SLC9C1: variants seen among roughly 807,000 people sequenced by gnomAD.
The protein encoded by SLC9C1 is solute carrier family 9 member C1.
SLC9C1 carries 97 observed loss-of-function variants against 140.9 expected under a neutral mutation model. The observed-to-expected ratio is 0.69, with a 90% CI of 0.58 to 0.82. SLC9C1 has a LOEUF of 0.82. SLC9C1 is among the 40% of genes least tolerant of loss of function. The probability of loss-of-function intolerance (pLI) is 0.00; values close to 1 mark genes in which losing one functional copy is unlikely to be tolerated. For missense variants in SLC9C1, 1,340 were observed against 1,389.3 expected (o/e 0.96, Z 0.56); for synonymous variants, 440 against 442.6 (o/e 0.99, Z 0.07).
rs181188728 is a variant in SLC9C1, at chr3:112,166,190, A to C, written c.3364+1031T>G. Among the ~76,000 whole-genome samples, 152 of 152,328 alleles carry C rather than the reference A, an allele frequency of 1.0e-3. 3 individuals are homozygous for C. The East Asian group carries it at 0.013, about 13-fold the overall frequency. ...TGTCACCCCTTTCTTTGACTAGGAT[A>C]GGGAATTCCCTAACCCCTTGTGCTT... On this transcript the variant is annotated intron_variant, in intron 26 of 28. Transcript: ENST00000305815.
chr3:112,199,264 G>T lies in SLC9C1; in HGVS notation c.2523+57C>A, dbSNP rs1207612008. On this transcript the variant is annotated intron_variant, in intron 20 of 28. Transcript: ENST00000305815. ...TTAGAAGTCAAATGTAGCCTTGAAGGTCATGAATGATTATGTATCAAGTAA... is the reference window on the plus strand; with the variant it reads ...TTAGAAGTCAAATGTAGCCTTGAAGTTCATGAATGATTATGTATCAAGTAA... 3.7e-6 allele frequency: 5 copies of T among 1,350,816 alleles called. No homozygotes were observed. In the East Asian group the frequency reaches 1.0e-4, roughly 27 times the overall value. 83.7% of individuals were successfully genotyped at this position (1,350,816 alleles called of 1,614,324 possible). A position where few individuals can be genotyped will look rare whatever the true frequency, so the allele number is the denominator to read the frequency against.
intron 5 of SLC9C1, among the ~76,000 whole-genome samples, chr3:112,275,290 T>C (rs2080183880): frequency 1.3e-5 from 2 of 152,140 alleles, no homozygotes; most frequent in Non-Finnish European, 2.9e-5. Flanking sequence ...CAGTGAGTTG[T>C]TCTATATAAA....
Position 112,277,722 on chromosome 3 carries a change from G to A in SLC9C1, c.457C>T (p.Leu153=), listed in dbSNP as rs2080253394. 4 of 1,602,276 alleles carry A rather than the reference G, an allele frequency of 2.5e-6. No individual in the cohort carries two copies. Among genetic ancestry groups the A allele is most frequent in the African/African-American group, 1.3e-5 (1 of 74,384 alleles). The change falls in exon 5 of 29, where the codon CTA becomes TTA. Residue 153 remains leucine, a synonymous_variant. Transcript: ENST00000305815. ...SAILVSSDPM[L]TAAAIRDLGL... Reference sequence around the variant, plus strand: ...AGGTCTCTTATAGCAGCTGCGGTTAGCATGGGATCTGAACTCACAAGGATA... The same window carrying A: ...AGGTCTCTTATAGCAGCTGCGGTTAACATGGGATCTGAACTCACAAGGATA...
intron 7 of SLC9C1, among the ~76,000 whole-genome samples, chr3:112,268,271 G>A (rs4279068): frequency 0.3 from 45,005 of 151,834 alleles, 7,221 homozygotes; most frequent in East Asian, 0.43. Flanking sequence ...GTAACCCTCG[G>A]TATATTATAA....
At chr3:112,280,587 T>C in intron 3 of SLC9C1, 96 bp downstream of exon 3, 2 of 963,258 alleles carry the variant, frequency 2.1e-6, no homozygotes, top group African/African-American at 1.7e-5. Context: ...GGCAGAACAG[T>C]GAGGGGATGA....
intron 26 of SLC9C1, among the ~76,000 whole-genome samples, chr3:112,156,462 A>G (rs1289392797): frequency 1.3e-5 from 2 of 152,140 alleles, no homozygotes; most frequent in Non-Finnish European, 2.9e-5. Flanking sequence ...GGTGTTATGA[A>G]CAGTGCTGCA....
At chr3:112,234,256 A>G (rs1284759013) in intron 12 of SLC9C1, among the ~76,000 whole-genome samples, 2 of 152,098 alleles carry the variant, frequency 1.3e-5, no homozygotes, top group Admixed American at 6.6e-5. Flanking sequence ...TTTTTCATGT[A>G]TCTGTTGGCT....
At chr3:112,146,768 GAAT>G (rs1327053294) in intron 28 of SLC9C1, among the ~76,000 whole-genome samples, 2 of 152,140 alleles carry the variant, frequency 1.3e-5, no homozygotes, top group Non-Finnish European at 2.9e-5. Flanking sequence ...GTGCGGATGA[GAAT>G]AATATACATT....
At chr3:112,200,448 A>G (rs1018009427) in intron 19 of SLC9C1, among the ~76,000 whole-genome samples, 7 of 152,146 alleles carry the variant, frequency 4.6e-5, no homozygotes, top group Non-Finnish European at 7.4e-5. Flanking sequence ...AATGACATAC[A>G]TAATCATAGC....
At chr3:112,150,819 TACATATATATATATATATA>T (rs1560003441) in intron 28 of SLC9C1, among the ~76,000 whole-genome samples, 47 of 45,220 alleles carry the variant, frequency 1.0e-3, no homozygotes, top group African/African-American at 2.4e-3. Context: ...TAAATACATA[TACATATATATATATATATA>T]TATTTTTTTT....
At chr3:112,179,182 A>C (rs2077393561) in intron 23 of SLC9C1, among the ~76,000 whole-genome samples, 1 of 152,094 alleles carries the variant, frequency 6.6e-6, no homozygotes, top group Non-Finnish European at 1.5e-5. Context: ...CACTTTGTCC[A>C]ACTTTTATAT....
At chr3:112,180,739 G>T in intron 21 of SLC9C1, 77 bp from the exon 22 acceptor site, 3 of 1,263,036 alleles carry the variant, frequency 2.4e-6, no homozygotes, top group Non-Finnish European at 2.2e-6. Flanking sequence ...TTGCATTTTT[G>T]TTATTTATTT....
chr3:112,274,364 GT>G (rs2080158048), intron 6 of SLC9C1, among the ~76,000 whole-genome samples: 1 of 152,036 alleles, frequency 6.6e-6, no homozygotes, highest in South Asian at 2.1e-4. Context: ...AGTACTTATG[GT>G]TTAGGGCTAT....
At chr3:112,234,103 T>C (rs1226882594) in intron 12 of SLC9C1, among the ~76,000 whole-genome samples, 11 of 152,304 alleles carry the variant, frequency 7.2e-5, no homozygotes, top group African/African-American at 2.4e-4. Context: ...ACCAACAGTG[T>C]AAAAGTGCTC....
intron 12 of SLC9C1, among the ~76,000 whole-genome samples, chr3:112,234,516 C>T (rs891149802): frequency 6.6e-6 from 1 of 151,996 alleles, no homozygotes; most frequent in South Asian, 2.1e-4. Context: ...CTTTTGTTGC[C>T]ATTGCTTTTG....
intron 26 of SLC9C1, among the ~76,000 whole-genome samples, chr3:112,157,082 C>CA (rs2075146476): frequency 6.6e-6 from 1 of 151,646 alleles, no homozygotes; most frequent in African/African-American, 2.4e-5. Flanking sequence ...TGGTCTTAGG[C>CA]AAAAAAATAT....
chr3:112,288,630 T>C (rs2080588617), intron 1 of SLC9C1, among the ~76,000 whole-genome samples: 1 of 152,180 alleles, frequency 6.6e-6, no homozygotes. Context: ...GGTGCTCGCC[T>C]ATGGTCCTAG....
chr3:112,200,852 G>T, intron 18 of SLC9C1, 90 bp from the exon 19 acceptor site: 1 of 1,162,278 alleles, frequency 8.6e-7, no homozygotes. Context: ...TTTAACCTAA[G>T]TTAATAGTTT....
Position 112,212,826 on chromosome 3 carries a change from C to A in SLC9C1, c.1791-4453G>T, listed in dbSNP as rs528097495. Among the ~76,000 whole-genome samples the A allele has an allele frequency of 6.6e-5, 10 of 152,236 alleles. No individual in the cohort carries two copies. In the East Asian group the frequency reaches 1.9e-3, roughly 29 times the overall value. On this transcript the variant is annotated intron_variant, in intron 15 of 28. Coordinates refer to ENST00000305815, the MANE Select transcript of SLC9C1 (RefSeq NM_183061.3). ...AGATTCCCCAACCTAGCAAGGCAGG[C>A]CAACATTCAAATTCAGGAAATACAG...
Sources: gnomAD v4.1 joint callset for allele counts (sites outside exome capture counted in the v4.1 genomes callset) on GRCh38, gnomAD v4.1.1 for gene constraint, MANE v1.5 for transcripts, NCBI Gene and HGNC (gene_info 2026-07-23, HGNC 2026-07-21) for gene names.